Variants in SLC4A4 observed in about 807,000 individuals in gnomAD.
The protein encoded by SLC4A4 is electrogenic sodium bicarbonate cotransporter 1.
A neutral mutation model predicts 111.5 loss-of-function variants in SLC4A4; 27 were observed. That is an observed-to-expected ratio of 0.24 (90% CI 0.18 to 0.33). SLC4A4 has a LOEUF of 0.33. Among genes scored for constraint, SLC4A4 ranks in the 10% least tolerant of loss-of-function variants. The pLI is 1.00. For missense variants in SLC4A4, 909 were observed against 1,315.5 expected (o/e 0.69, Z 4.78); for synonymous variants, 443 against 463.4 (o/e 0.96, Z 0.57).
At chr4:71,256,563 T>C (rs1205620894) in intron 3 of SLC4A4, among the ~76,000 whole-genome samples, 1 of 152,056 alleles carries the variant, frequency 6.6e-6, no homozygotes, top group Non-Finnish European at 1.5e-5. Flanking sequence ...ATTAAAAGCA[T>C]TGAAATAAAT....
intron 24 of SLC4A4, 107 bp from the exon 25 acceptor site, chr4:71,566,897 T>A: frequency 2.4e-6 from 2 of 832,038 alleles, no homozygotes; most frequent in South Asian, 3.0e-5. Context: ...AAACTTGTCT[T>A]TTTTACTCTT....
intron 7 of SLC4A4, among the ~76,000 whole-genome samples, chr4:71,438,844 G>C (rs1724404663): frequency 6.6e-6 from 1 of 151,838 alleles, no homozygotes; most frequent in Non-Finnish European, 1.5e-5. Context: ...CTTATGAATG[G>C]TTAAACTACA....
intron 6 of SLC4A4, among the ~76,000 whole-genome samples, chr4:71,373,359 G>A (rs1488199807): frequency 1.3e-5 from 2 of 152,128 alleles, no homozygotes; most frequent in Non-Finnish European, 2.9e-5. Flanking sequence ...ATGAATGGTG[G>A]GGTATAAACA....
At chr4:71,165,208 T>C (rs2084908) in intron 2 of SLC4A4, among the ~76,000 whole-genome samples, 25,570 of 152,232 alleles carry the variant, frequency 0.17, 4,645 homozygotes, top group African/African-American at 0.46. Context: ...ACTGGGTATA[T>C]ACCCAAAGGA....
upstream of SLC4A4, among the ~76,000 whole-genome samples, chr4:71,183,331 C>A (rs1025273752): frequency 1.3e-5 from 2 of 152,214 alleles, no homozygotes; most frequent in Admixed American, 1.3e-4. Flanking sequence ...TTGGGACACA[C>A]GTTTAACCAA....
At chr4:71,194,311 T>C (rs1247396210) in intron 1 of SLC4A4, among the ~76,000 whole-genome samples, 1 of 152,224 alleles carries the variant, frequency 6.6e-6, no homozygotes, top group Non-Finnish European at 1.5e-5. Context: ...ATTATTGTTA[T>C]TGTATTCTTC....
intron 6 of SLC4A4, among the ~76,000 whole-genome samples, chr4:71,384,149 T>C (rs768480322): frequency 6.6e-6 from 1 of 152,178 alleles, no homozygotes; most frequent in Non-Finnish European, 1.5e-5. Context: ...TAGGATCACT[T>C]GAGGTCCTGA....
chr4:71,075,733 G>T (rs940623613), intron 1 of SLC4A4, among the ~76,000 whole-genome samples: 1 of 152,112 alleles, frequency 6.6e-6, no homozygotes, highest in Non-Finnish European at 1.5e-5. Flanking sequence ...ATTTTGGGAG[G>T]CCGAGGTGGG....
chr4:71,110,655 G>A (rs79799418), intron 2 of SLC4A4, among the ~76,000 whole-genome samples: 1,955 of 152,256 alleles, frequency 0.013, 47 homozygotes, highest in African/African-American at 0.044. Flanking sequence ...AATATGAGCT[G>A]GGGAGTTTAG....
chr4:71,219,636 T>G (rs550923515), intron 1 of SLC4A4, among the ~76,000 whole-genome samples: 2 of 152,336 alleles, frequency 1.3e-5, no homozygotes, highest in East Asian at 3.9e-4. Context: ...ATTTCTCTGA[T>G]GGGTCTGGGC....
chr4:71,114,980 T>A (rs1201873578), intron 2 of SLC4A4, among the ~76,000 whole-genome samples: 4 of 125,720 alleles, frequency 3.2e-5, no homozygotes, highest in African/African-American at 1.3e-4. Flanking sequence ...ATGTGGCACA[T>A]ATACACCATG....
intron 6 of SLC4A4, among the ~76,000 whole-genome samples, chr4:71,392,436 A>C (rs1316986762): frequency 6.6e-6 from 1 of 152,092 alleles, no homozygotes; most frequent in Non-Finnish European, 1.5e-5. Context: ...CTTAGATTCC[A>C]ACTAGTATAG....
At chr4:71,385,191 A>ATATATTGTTTT (rs56949097) in intron 6 of SLC4A4, among the ~76,000 whole-genome samples, 1 of 11,896 alleles carries the variant, frequency 8.4e-5, no homozygotes, top group African/African-American at 2.5e-4. Flanking sequence ...ATATATATAT[A>ATATATTGTTTT]TTTTTTTTTT....
chr4:71,325,901 G>A (rs985218915), intron 3 of SLC4A4, among the ~76,000 whole-genome samples: 2 of 151,874 alleles, frequency 1.3e-5, no homozygotes, highest in African/African-American at 2.4e-5. Context: ...GTATGTGTGT[G>A]TGTTTTAAAC....
At chr4:71,348,725 A>G (rs974112223) in intron 4 of SLC4A4, among the ~76,000 whole-genome samples, 2 of 151,772 alleles carry the variant, frequency 1.3e-5, no homozygotes, top group Middle Eastern at 3.2e-3. Flanking sequence ...CGCTTGATCT[A>G]TTTTCACTCC....
intron 5 of SLC4A4, among the ~76,000 whole-genome samples, chr4:71,355,083 A>C (rs1440792630): frequency 6.6e-6 from 1 of 152,246 alleles, no homozygotes; most frequent in African/African-American, 2.4e-5. Context: ...GAAGGGCATA[A>C]AGCCACACAG....
chr4:71,530,861 T>G (rs1454268233), intron 16 of SLC4A4, among the ~76,000 whole-genome samples: 1 of 152,134 alleles, frequency 6.6e-6, no homozygotes. Context: ...ACTCAGCCCA[T>G]CACTGATCTC....
At chr4:71,437,307 A>C in intron 7 of SLC4A4, 1 of 364,190 alleles carries the variant, frequency 2.7e-6, no homozygotes, top group Non-Finnish European at 5.4e-6. Flanking sequence ...CACTTCCAAT[A>C]ACACGGTTTT....
intron 2 of SLC4A4, among the ~76,000 whole-genome samples, chr4:71,128,372 A>G (rs778706256): frequency 4.2e-4 from 64 of 152,266 alleles, no homozygotes; most frequent in South Asian, 2.1e-3. Flanking sequence ...GTCATCTCCC[A>G]CTGGGTCCCC....
Sources: gnomAD v4.1 joint callset for allele counts (sites outside exome capture counted in the v4.1 genomes callset) on GRCh38, gnomAD v4.1.1 for gene constraint, MANE v1.5 for transcripts, NCBI Gene and HGNC (gene_info 2026-07-23, HGNC 2026-07-21) for gene names.